The following ST6GALNAC5 variants were observed in gnomAD, a reference collection of about 807,000 sequenced individuals.
The protein encoded by ST6GALNAC5 is alpha-N-acetylgalactosaminide alpha-2,6-sialyltransferase 5.
Under a neutral mutation model 33.6 loss-of-function variants are expected in ST6GALNAC5, and 27 were observed. The observed-to-expected ratio is 0.80, with a 90% CI of 0.59 to 1.11. The LOEUF (loss-of-function observed/expected upper bound fraction) is 1.11, where lower values mean the gene tolerates loss of function less well. ST6GALNAC5 is among the 50% of genes least tolerant of loss of function. The probability of loss-of-function intolerance (pLI) is 0.00; values close to 1 mark genes in which losing one functional copy is unlikely to be tolerated. For missense variants in ST6GALNAC5, 428 were observed against 454.0 expected (o/e 0.94, Z 0.52); for synonymous variants, 194 against 171.2 (o/e 1.13, Z -1.04).
In ST6GALNAC5 at chr1:76,868,575, CAGA is replaced by C; in HGVS notation, c.97_99del (p.Lys33del). 1 of 1,613,012 alleles carries C rather than the reference CAGA, an allele frequency of 6.2e-7. No homozygotes were observed. Among genetic ancestry groups the C allele is most frequent in the South Asian group, 1.1e-5 (1 of 91,054 alleles). ...GCTAGTGTACAGCAGCCTCGGCGGC[CAGA>C]AGGAGCGGCCCCCGCAGCAGCAGCA... On this transcript the variant is annotated inframe_deletion, in exon 2 of 5. Coordinates refer to ENST00000477717, the MANE Select transcript of ST6GALNAC5 (RefSeq NM_030965.3). The surrounding 1 kb of genome is among the most constrained non-coding windows in gnomAD (Gnocchi z 4.3).
intron 2 of ST6GALNAC5, among the ~76,000 whole-genome samples, chr1:76,894,684 C>G (rs1557712622): frequency 6.6e-6 from 1 of 152,194 alleles, no homozygotes; most frequent in Admixed American, 6.5e-5. Flanking sequence ...CATCTAAACT[C>G]TTTAAAATCC....
chr1:76,976,761 C>A (rs1393202163), intron 2 of ST6GALNAC5, among the ~76,000 whole-genome samples: 1 of 152,102 alleles, frequency 6.6e-6, no homozygotes, highest in African/African-American at 2.4e-5. Flanking sequence ...GCCCCCATAT[C>A]ATTTACTGGT....
rs907708050 is a variant in ST6GALNAC5 at position 76,972,887 on chromosome 1, CT to C, written c.262-71308del. The stretch of plus-strand genomic sequence containing the variant: ...AACTAAGAACAATAATTCTGTGTAA[CT>C]TTTTTTTTGTAATTATGAGTGACAG... On this transcript the variant is annotated intron_variant, in intron 2 of 4. Transcript: ENST00000477717. 1.2e-3 allele frequency among the ~76,000 whole-genome samples: 182 copies of C among 151,502 alleles called. 1 individual carries two copies. Among genetic ancestry groups the C allele is most frequent in the African/African-American group, 3.9e-3 (160 of 41,368 alleles).
At chr1:76,974,844 G>A (rs1369759721) in intron 2 of ST6GALNAC5, among the ~76,000 whole-genome samples, 1 of 114,374 alleles carries the variant, frequency 8.7e-6, no homozygotes, top group Non-Finnish European at 1.6e-5. Context: ...GTGCAATAAC[G>A]TGATCTCAGC....
At chr1:76,898,205 G>A (rs1006064115) in intron 2 of ST6GALNAC5, among the ~76,000 whole-genome samples, 7 of 152,156 alleles carry the variant, frequency 4.6e-5, no homozygotes, top group Non-Finnish European at 8.8e-5. Flanking sequence ...GGTGTTCCTC[G>A]GCCCAGTGGC....
intron 2 of ST6GALNAC5, among the ~76,000 whole-genome samples, chr1:77,036,007 A>T (rs1651631823): frequency 6.6e-6 from 1 of 152,262 alleles, no homozygotes; most frequent in Admixed American, 6.5e-5. Flanking sequence ...AGACAAATCC[A>T]ATGTACATCG....
chr1:76,981,322 G>C (rs1649242777), intron 2 of ST6GALNAC5, among the ~76,000 whole-genome samples: 1 of 152,210 alleles, frequency 6.6e-6, no homozygotes, highest in South Asian at 2.1e-4. Flanking sequence ...GCAACTGGCA[G>C]ACAAGGTGAT....
In ST6GALNAC5 at chr1:76,929,589, G is replaced by A. The variant is rs570457353; in HGVS notation, c.261+60847G>A. Among the ~76,000 whole-genome samples, 94 of 152,216 alleles carry A rather than the reference G, an allele frequency of 6.2e-4. 2 individuals carry two copies. Among genetic ancestry groups the A allele is most frequent in the African/African-American group, 2.0e-3 (85 of 41,554 alleles). On this transcript the variant is annotated intron_variant, in intron 2 of 4. Transcript: ENST00000477717. ...GGAGCTTTGCTACTTGGATCATAGT[G>A]TAGCAGAGATGCATGGTATAGAGCT... is the stretch of plus-strand genomic sequence containing the variant.
rs1256482324 is a variant in ST6GALNAC5, at chr1:77,064,546, G to A, written c.*1340G>A. ...CTATCATTCAACTCATTTATGCTAT[G>A]AACTGTTTAGACTCACTACAAATCT... On this transcript the variant is annotated 3_prime_UTR_variant, in exon 5 of 5. Transcript: ENST00000477717. The A allele has an allele frequency of 1.3e-5, 2 of 152,056 alleles. No homozygotes were observed. The highest frequency in any genetic ancestry group is 2.4e-5 in the African/African-American group (1 of 41,418). The allele number at this position is 152,056 out of a possible 1,614,324, so 9.4% of individuals were successfully genotyped here. A position where few individuals can be genotyped will look rare whatever the true frequency, so the allele number is the denominator to read the frequency against.
intron 2 of ST6GALNAC5, among the ~76,000 whole-genome samples, chr1:76,882,958 C>T (rs1159955695): frequency 6.6e-6 from 1 of 152,178 alleles, no homozygotes; most frequent in Admixed American, 6.5e-5. Flanking sequence ...CACCCAGGCA[C>T]CGCACATACC....
intron 3 of ST6GALNAC5, among the ~76,000 whole-genome samples, chr1:77,045,363 A>G (rs1182860090): frequency 6.6e-6 from 1 of 152,218 alleles, no homozygotes; most frequent in Admixed American, 6.5e-5. Flanking sequence ...CTTTTATTTC[A>G]GTTTGATAGA....
intron 2 of ST6GALNAC5, among the ~76,000 whole-genome samples, chr1:76,933,763 CAA>C (rs35621324): frequency 2.1e-3 from 141 of 67,638 alleles, no homozygotes; most frequent in South Asian, 2.6e-3. Flanking sequence ...TTTTCTCTGC[CAA>C]AAAAAAAAAA....
At chr1:76,938,721 C>A (rs1274594805) in intron 2 of ST6GALNAC5, among the ~76,000 whole-genome samples, 1 of 152,046 alleles carries the variant, frequency 6.6e-6, no homozygotes, top group Middle Eastern at 3.2e-3. Context: ...TGCAATTCAC[C>A]AAGTCAGCAT....
chr1:76,900,885 A>G (rs180882451), intron 2 of ST6GALNAC5, among the ~76,000 whole-genome samples: 141 of 152,336 alleles, frequency 9.3e-4, no homozygotes, highest in Middle Eastern at 6.8e-3. Context: ...AATTATTCAG[A>G]TAAGGAATTG....
At chr1:76,965,984 G>A (rs1648456141) in intron 2 of ST6GALNAC5, among the ~76,000 whole-genome samples, 1 of 152,194 alleles carries the variant, frequency 6.6e-6, no homozygotes, top group South Asian at 2.1e-4. Flanking sequence ...TTTGGTACCA[G>A]TGCCATGCTG....
intron 4 of ST6GALNAC5, among the ~76,000 whole-genome samples, chr1:77,054,325 A>G (rs1266074654): frequency 1.3e-5 from 2 of 152,318 alleles, no homozygotes; most frequent in African/African-American, 4.8e-5. Flanking sequence ...CACTGATTCT[A>G]TCAGGTGGCA....
chr1:76,943,642 C>T (rs559178232), intron 2 of ST6GALNAC5, among the ~76,000 whole-genome samples: 4 of 152,172 alleles, frequency 2.6e-5, no homozygotes, highest in Non-Finnish European at 5.9e-5. Context: ...AACATGCAAC[C>T]TTTGAAACAT....
chr1:76,873,004 T>A (rs986629105), intron 2 of ST6GALNAC5, among the ~76,000 whole-genome samples: 1 of 152,234 alleles, frequency 6.6e-6, no homozygotes, highest in Admixed American at 6.5e-5. Context: ...ACAGCCAGGA[T>A]AATTTTTCCA....
At chr1:77,028,656 G>A (rs1651337800) in intron 2 of ST6GALNAC5, among the ~76,000 whole-genome samples, 1 of 152,232 alleles carries the variant, frequency 6.6e-6, no homozygotes, top group Non-Finnish European at 1.5e-5. Context: ...AATAACTGCA[G>A]TGAGTAGTGG....
Sources: allele counts gnomAD v4.1 joint callset (sites outside exome capture counted in the v4.1 genomes callset), GRCh38; gene constraint gnomAD v4.1.1; non-coding constraint Gnocchi (gnomAD v3.1); transcripts MANE v1.5; gene names NCBI Gene and HGNC (gene_info 2026-07-23, HGNC 2026-07-21).